LRRC38: variants seen among roughly 807,000 people sequenced by gnomAD.
LRRC38 encodes leucine-rich repeat-containing protein 38.
Under a neutral mutation model 16.4 loss-of-function variants are expected in LRRC38, and 5 were observed. The observed-to-expected ratio is 0.31, with a 90% CI of 0.16 to 0.64. The LOEUF is 0.64. LRRC38 is among the 30% of genes least tolerant of loss of function. LRRC38 has a pLI of 0.80. For missense variants in LRRC38, 341 were observed against 401.8 expected, an observed-to-expected ratio of 0.85 and a Z score of 1.29; for synonymous variants, 191 against 190.2, an observed-to-expected ratio of 1.00 and a Z score of -0.04.
intron 1 of LRRC38, among the ~76,000 whole-genome samples, chr1:13,510,541 C>T (rs1639262344): frequency 6.6e-6 from 1 of 151,410 alleles, no homozygotes; most frequent in Admixed American, 6.6e-5. Context: ...GAAACGGGTA[C>T]AAAAAGATCA....
chr1:13,501,195 G>C (rs760982901), intron 1 of LRRC38, among the ~76,000 whole-genome samples: 5 of 151,796 alleles, frequency 3.3e-5, no homozygotes, highest in Admixed American at 1.3e-4. Flanking sequence ...TAAATAGTAT[G>C]TGGCATGCTA....
intron 1 of LRRC38, among the ~76,000 whole-genome samples, chr1:13,476,406 G>A (rs1638790363): frequency 6.6e-6 from 1 of 152,130 alleles, no homozygotes; most frequent in African/African-American, 2.4e-5. Flanking sequence ...TCGGCTCACT[G>A]CAGCCTCTAC....
At position 13,475,510 on chromosome 1, in the gene LRRC38, A is replaced by G; in HGVS notation, c.*336T>C. 3.8e-6 allele frequency: 1 copy of G among 263,946 alleles called. No homozygotes were observed. The highest frequency in any genetic ancestry group is 7.3e-5 in the East Asian group (1 of 13,624). 16.4% of individuals were successfully genotyped at this position (263,946 alleles called of 1,614,324 possible). ...GCGTAAAATCATCTTTGCCATTGAA[A>G]GCTGCCAGTCTTCACATTTCCTGGG... On this transcript the variant is annotated 3_prime_UTR_variant, in exon 2 of 2. Coordinates refer to ENST00000376085, the MANE Select transcript of LRRC38 (RefSeq NM_001010847.2). This position sits in a 1 kb window ranked among gnomAD's most constrained non-coding sequence, Gnocchi z 4.3.
intron 1 of LRRC38, among the ~76,000 whole-genome samples, chr1:13,481,390 T>A (rs951079381): frequency 7.7e-6 from 1 of 130,102 alleles, no homozygotes; most frequent in Non-Finnish European, 1.7e-5. Context: ...TTTTTATTTT[T>A]TTTTTTTTGT....
intron 1 of LRRC38, among the ~76,000 whole-genome samples, chr1:13,509,199 C>G (rs1639246720): frequency 2.0e-5 from 3 of 152,232 alleles, no homozygotes; most frequent in East Asian, 1.9e-4. Context: ...CTCCATGCGT[C>G]AAGGTTGTAG....
intron 1 of LRRC38, among the ~76,000 whole-genome samples, chr1:13,478,023 T>C (rs1176408993): frequency 6.6e-6 from 1 of 152,184 alleles, no homozygotes; most frequent in African/African-American, 2.4e-5. Flanking sequence ...TCCTTGGACA[T>C]GAACCAAAGA....
chr1:13,499,827 T>A (rs779149430), intron 1 of LRRC38, among the ~76,000 whole-genome samples: 8 of 152,076 alleles, frequency 5.3e-5, no homozygotes, highest in Non-Finnish European at 8.8e-5. Flanking sequence ...TCGCAGTAGG[T>A]ATGCACGCTT....
chr1:13,507,701 A>G (rs2990676), intron 1 of LRRC38, among the ~76,000 whole-genome samples: 96,894 of 150,856 alleles, frequency 0.64, 31,998 homozygotes, highest in African/African-American at 0.74. Flanking sequence ...GTGTGGTGGC[A>G]GGCGCCTATA....
At chr1:13,497,790 C>T (rs1300979305) in intron 1 of LRRC38, among the ~76,000 whole-genome samples, 2 of 151,704 alleles carry the variant, frequency 1.3e-5, no homozygotes, top group East Asian at 1.9e-4. Flanking sequence ...GGAGAAACCC[C>T]GTCTCTACCA....
At chr1:13,486,352 T>G (rs1638933998) in intron 1 of LRRC38, among the ~76,000 whole-genome samples, 1 of 152,172 alleles carries the variant, frequency 6.6e-6, no homozygotes, top group Non-Finnish European at 1.5e-5. Flanking sequence ...CTCCAGATCC[T>G]TCATTTAATT....
chr1:13,502,916 T>C (rs947634773), intron 1 of LRRC38, among the ~76,000 whole-genome samples: 4 of 152,208 alleles, frequency 2.6e-5, no homozygotes, highest in African/African-American at 4.8e-5. Flanking sequence ...CATCATCTCA[T>C]TGGGGTCTTA....
At chr1:13,484,264 C>T (rs1232366793) in intron 1 of LRRC38, among the ~76,000 whole-genome samples, 1 of 152,108 alleles carries the variant, frequency 6.6e-6, no homozygotes, top group African/African-American at 2.4e-5. Flanking sequence ...AAAGCAGCCG[C>T]TCTCCCCACC....
At position 13,513,256 on chromosome 1, in the gene LRRC38, T is replaced by C. The variant is rs1249645207; in HGVS notation, c.338A>G (p.Tyr113Cys). The C allele has an allele frequency of 1.3e-6, 2 of 1,550,170 alleles. No individual in the cohort carries two copies. Among genetic ancestry groups the C allele is most frequent in the East Asian group, 2.4e-5 (1 of 40,872 alleles). The change falls in exon 1 of 2, where the codon TAC becomes TGC. Residue 113 changes from tyrosine to cysteine, a missense_variant. Transcript: ENST00000376085. ...SAKLVFLDLSYNNLTQLGAGA... is the reference protein window; with the variant it reads ...SAKLVFLDLSCNNLTQLGAGA... The stretch of plus-strand genomic sequence containing the variant: ...GGCGCCCAGCTGGGTCAAGTTGTTG[T>C]AGCTGAGGTCGAGGAACACGAGCTT...
chr1:13,510,502 T>C (rs562222834), intron 1 of LRRC38, among the ~76,000 whole-genome samples: 8 of 152,196 alleles, frequency 5.3e-5, no homozygotes, highest in Non-Finnish European at 5.9e-5. Flanking sequence ...AGAAGGTGGA[T>C]ACTGTATCAG....
intron 1 of LRRC38, among the ~76,000 whole-genome samples, chr1:13,504,679 C>T (rs1445966023): frequency 9.8e-5 from 14 of 142,814 alleles, no homozygotes; most frequent in African/African-American, 2.9e-4. Flanking sequence ...GCCGAGATTG[C>T]GCCACTGCAC....
At chr1:13,486,353 T>C (rs2100496715) in intron 1 of LRRC38, among the ~76,000 whole-genome samples, 1 of 152,296 alleles carries the variant, frequency 6.6e-6, no homozygotes, top group African/African-American at 2.4e-5. Context: ...TCCAGATCCT[T>C]CATTTAATTA....
At chr1:13,486,602 T>TC (rs1213593180) in intron 1 of LRRC38, among the ~76,000 whole-genome samples, 3 of 150,172 alleles carry the variant, frequency 2.0e-5, no homozygotes, top group African/African-American at 7.4e-5. Flanking sequence ...TTTTTTTTTT[T>TC]TTTTTTGAGA....
intron 1 of LRRC38, among the ~76,000 whole-genome samples, chr1:13,496,857 G>A (rs919745216): frequency 6.6e-6 from 1 of 152,178 alleles, no homozygotes; most frequent in Non-Finnish European, 1.5e-5. Flanking sequence ...AGAGCCAGAG[G>A]TGGTGGGGTG....
intron 1 of LRRC38, among the ~76,000 whole-genome samples, chr1:13,500,488 G>T (rs1639135527): frequency 6.6e-6 from 1 of 152,152 alleles, no homozygotes; most frequent in Non-Finnish European, 1.5e-5. Context: ...TCAGCAACAG[G>T]CTAATCAGAA....
Sources: allele counts gnomAD v4.1 joint callset (sites outside exome capture counted in the v4.1 genomes callset), GRCh38; gene constraint gnomAD v4.1.1; non-coding constraint Gnocchi (gnomAD v3.1); transcripts MANE v1.5; gene names NCBI Gene and HGNC (gene_info 2026-07-23, HGNC 2026-07-21).